The following RASGRF1 variants were observed in gnomAD, a reference collection of about 807,000 sequenced individuals.
RASGRF1 encodes the protein Ras protein specific guanine nucleotide releasing factor 1.
RASGRF1 carries 40 observed loss-of-function variants against 138.7 expected under a neutral mutation model. That is an observed-to-expected ratio of 0.29 (90% CI 0.22 to 0.38). The LOEUF (loss-of-function observed/expected upper bound fraction) is 0.38. Ranked by LOEUF, RASGRF1 falls within the 10% of genes least tolerant of loss-of-function variation. The pLI, the probability that RASGRF1 is intolerant of heterozygous loss-of-function variation, is 1.00. For synonymous variants in RASGRF1, 614 were observed against 663.2 expected, an observed-to-expected ratio of 0.93 and a Z score of 1.14; for missense variants, 1,108 against 1,650.4, an observed-to-expected ratio of 0.67 and a Z score of 5.69.
intron 12 of RASGRF1, among the ~76,000 whole-genome samples, chr15:79,017,005 G>A (rs2056888082): frequency 6.6e-6 from 1 of 152,210 alleles, no homozygotes; most frequent in Non-Finnish European, 1.5e-5. Flanking sequence ...CAGCTGCTGG[G>A]ATGGCACATC....
Position 79,046,517 on chromosome 15 carries a change from G to A in RASGRF1, c.878+229C>T, listed in dbSNP as rs2057355958. On this transcript the variant is annotated intron_variant, in intron 5 of 26. Coordinates refer to ENST00000558480, the MANE Select transcript of RASGRF1 (RefSeq NM_001145648.3). This position sits in a 1 kb window ranked among gnomAD's most constrained non-coding sequence, Gnocchi z 5.3. The stretch of plus-strand genomic sequence containing the variant: ...CACGGAGCAAAACTGCCCCAGTTGA[G>A]GCCCACTGGTTTGGACCTATACTTT... Among the ~76,000 whole-genome samples, 1 of 152,218 alleles carries A rather than the reference G, an allele frequency of 6.6e-6. No homozygotes were observed. The highest frequency in any genetic ancestry group is 2.4e-5 in the African/African-American group (1 of 41,448).
At chr15:79,051,796 G>A (rs2057434661) in intron 3 of RASGRF1, among the ~76,000 whole-genome samples, 1 of 152,206 alleles carries the variant, frequency 6.6e-6, no homozygotes, top group Admixed American at 6.5e-5. Flanking sequence ...ATCAAGCTAA[G>A]TGGGCAAAGC....
chr15:79,075,956 T>C (rs1270860759), intron 1 of RASGRF1, among the ~76,000 whole-genome samples: 1 of 152,196 alleles, frequency 6.6e-6, no homozygotes, highest in Non-Finnish European at 1.5e-5. Context: ...CTCCAAGTCA[T>C]TTCTCGTTCA....
At chr15:78,983,361 A>G (rs1171653845) in intron 23 of RASGRF1, among the ~76,000 whole-genome samples, 2 of 152,170 alleles carry the variant, frequency 1.3e-5, no homozygotes, top group Admixed American at 1.3e-4. Context: ...ATCCTAGAAC[A>G]CAGGCTGAAT....
chr15:79,062,807 G>A (rs944914886), intron 2 of RASGRF1, among the ~76,000 whole-genome samples: 1 of 152,056 alleles, frequency 6.6e-6, no homozygotes, highest in Admixed American at 6.6e-5. Context: ...GCCTCCTAAA[G>A]GGTTGGGATT....
At position 79,090,525 on chromosome 15, in the gene RASGRF1, C is replaced by T; in HGVS notation, c.-27G>A. 6.2e-7 allele frequency: 1 copy of T among 1,603,656 alleles called. No homozygotes were observed. Among genetic ancestry groups the T allele is most frequent in the Non-Finnish European group, 8.5e-7 (1 of 1,176,670 alleles). ...GTGCTCAGAGGCCAGCGAGACCCCACGCGCTTACATCTTCTCCGCGCAGCA... is the reference window on the plus strand; with the variant it reads ...GTGCTCAGAGGCCAGCGAGACCCCATGCGCTTACATCTTCTCCGCGCAGCA... On this transcript the variant is annotated 5_prime_UTR_variant, in exon 1 of 27. The change creates a new upstream start codon in the 5' untranslated region. Coordinates refer to ENST00000558480, the MANE Select transcript of RASGRF1 (RefSeq NM_001145648.3).
At chr15:79,000,018 G>A in intron 16 of RASGRF1, 105 bp from the exon 17 acceptor site, 1 of 1,256,312 alleles carries the variant, frequency 8.0e-7, no homozygotes, top group Non-Finnish European at 1.1e-6. Flanking sequence ...GAGCCAGCAG[G>A]CTGTGTCTTC....
chr15:79,047,031 T>C (rs764379612), intron 4 of RASGRF1, 32 bp from the exon 5 acceptor site: 1 of 1,597,744 alleles, frequency 6.3e-7, no homozygotes, highest in Non-Finnish European at 8.5e-7. Flanking sequence ...GAGAGGCTCC[T>C]GTCAGGGAGT....
At position 79,078,024 on chromosome 15, in the gene RASGRF1, C is replaced by T. The variant is rs1489567483; in HGVS notation, c.276+12199G>A. 2.0e-5 allele frequency among the ~76,000 whole-genome samples: 3 copies of T among 152,148 alleles called. No homozygotes were observed. The East Asian group carries it at 5.8e-4, about 29-fold the overall frequency. On this transcript the variant is annotated intron_variant, in intron 1 of 26. Coordinates refer to ENST00000558480, the MANE Select transcript of RASGRF1 (RefSeq NM_001145648.3). ...TCTCCCCAGCTGGGTCCTGGCTCCT[C>T]CTCCCCGCCATCATTGACCTTTGGG...
intron 5 of RASGRF1, among the ~76,000 whole-genome samples, chr15:79,035,829 C>T (rs745362053): frequency 6.6e-6 from 1 of 152,210 alleles, no homozygotes; most frequent in African/African-American, 2.4e-5. Context: ...GCACAGGAGA[C>T]GCTCAGAAAA....
Position 78,973,291 on chromosome 15 carries a change from G to C in RASGRF1, c.3612+12C>G, listed in dbSNP as rs538217308. ...ACGCCCCCCTTCCCCTGCCTGGCTG[G>C]GGGGAACGCACCATCCTCATCTTGG... On this transcript the variant is annotated intron_variant, in intron 25 of 26. Transcript: ENST00000558480. This position sits in a 1 kb window ranked among gnomAD's most constrained non-coding sequence, Gnocchi z 4.9. The C allele has an allele frequency of 4.2e-5, 67 of 1,582,380 alleles. No individual in the cohort carries two copies. The highest frequency in any genetic ancestry group is 3.3e-4 in the South Asian group (29 of 88,992).
At chr15:79,057,116 T>C (rs1279129333) in intron 3 of RASGRF1, among the ~76,000 whole-genome samples, 2 of 152,154 alleles carry the variant, frequency 1.3e-5, no homozygotes, top group Admixed American at 1.3e-4. Flanking sequence ...CTGAGGAGAC[T>C]CACAGTCCAC....
rs561006716 is a variant in RASGRF1, at chr15:79,012,311, C to T, written c.1826+3016G>A. Among the ~76,000 whole-genome samples the T allele has an allele frequency of 2.0e-5, 3 of 152,310 alleles. No homozygotes were observed. In the East Asian group the frequency reaches 5.8e-4, roughly 29 times the overall value. Reference sequence around the variant, plus strand: ...GGTCCTTCGAGGCCAGCTCTAATGTCCCATTCCATAAGAAACCATCCTCAA... The same window carrying T: ...GGTCCTTCGAGGCCAGCTCTAATGTTCCATTCCATAAGAAACCATCCTCAA... On this transcript the variant is annotated intron_variant, in intron 13 of 26. Coordinates refer to ENST00000558480, the MANE Select transcript of RASGRF1 (RefSeq NM_001145648.3).
intron 1 of RASGRF1, among the ~76,000 whole-genome samples, chr15:79,089,758 G>C (rs1361575122): frequency 6.6e-6 from 1 of 152,238 alleles, no homozygotes; most frequent in South Asian, 2.1e-4. Context: ...GGCAGCGCTC[G>C]GACGCCTCCG....
At chr15:79,001,809 A>G in intron 15 of RASGRF1, 22 bp from the exon 16 acceptor site, 1 of 1,384,720 alleles carries the variant, frequency 7.2e-7, no homozygotes, top group South Asian at 1.8e-5. Flanking sequence ...GAAATAAATA[A>G]TTTTACTTTT....
intron 26 of RASGRF1, among the ~76,000 whole-genome samples, chr15:78,966,909 T>C (rs2055654815): frequency 6.6e-6 from 1 of 152,184 alleles, no homozygotes; most frequent in Admixed American, 6.5e-5. Context: ...TCTCAGTCAA[T>C]TTTTAAATTG....
chr15:78,985,147 T>C lies in RASGRF1; in HGVS notation c.3274A>G (p.Ser1092Gly), dbSNP rs551294752. 6.2e-7 allele frequency: 1 copy of C among 1,613,590 alleles called. No individual in the cohort carries two copies. The highest frequency in any genetic ancestry group is 8.5e-7 in the Non-Finnish European group (1 of 1,179,468). The part of the protein sequence containing the change: ...IRNEDINARV[S>G]AIEKWVAVAD... ...ACGGCCACCCACTTCTCGATGGCGCTCACCCTGGCGTTGATGTCCTCATTG... is the reference window on the plus strand; with the variant it reads ...ACGGCCACCCACTTCTCGATGGCGCCCACCCTGGCGTTGATGTCCTCATTG... Residue 1092 changes from serine (S) to glycine (G), a missense_variant, in exon 23 of 27, where the codon AGC becomes GGC. By Grantham distance (56) the Ser-to-Gly change is moderately conservative. This residue lies in a region of RASGRF1 where 686 missense variants were observed against 976.7 expected (regional missense o/e 0.70). Coordinates refer to ENST00000558480, the MANE Select transcript of RASGRF1 (RefSeq NM_001145648.3).
intron 2 of RASGRF1, among the ~76,000 whole-genome samples, chr15:79,063,567 C>T (rs187524598): frequency 1.3e-4 from 20 of 152,356 alleles, no homozygotes; most frequent in African/African-American, 4.8e-4. Flanking sequence ...CCTTGCATTC[C>T]TCTAACCCAT....
intron 5 of RASGRF1, among the ~76,000 whole-genome samples, chr15:79,040,946 G>A (rs1286009230): frequency 6.6e-6 from 1 of 152,152 alleles, no homozygotes; most frequent in Non-Finnish European, 1.5e-5. Context: ...TAGGTTTCAG[G>A]CACTTGCTCA....
Sources: allele counts gnomAD v4.1 joint callset (sites outside exome capture counted in the v4.1 genomes callset), GRCh38; gene constraint gnomAD v4.1.1; regional missense constraint gnomAD v4.1.1; non-coding constraint Gnocchi (gnomAD v3.1); transcripts MANE v1.5; gene names NCBI Gene and HGNC (gene_info 2026-07-23, HGNC 2026-07-21).